ASIC2: variants seen among roughly 807,000 people sequenced by gnomAD.
ASIC2 encodes acid-sensing ion channel 2.
Under a neutral mutation model 57.3 loss-of-function variants are expected in ASIC2, and 25 were observed. The observed-to-expected ratio is 0.44, with a 90% CI of 0.32 to 0.61. The LOEUF (loss-of-function observed/expected upper bound fraction) is 0.61. Ranked by LOEUF, ASIC2 falls within the 20% of genes least tolerant of loss-of-function variation. The pLI is 0.06. For synonymous variants in ASIC2, 319 were observed against 307.5 expected, an observed-to-expected ratio of 1.04 and a Z score of -0.39; for missense variants, 641 against 738.1, an observed-to-expected ratio of 0.87 and a Z score of 1.52.
Position 33,985,288 on chromosome 17 carries a change from T to TC in ASIC2, c.555+170689dup, listed in dbSNP as rs551889402. Among the ~76,000 whole-genome samples, 365 of 151,802 alleles carry TC rather than the reference T, an allele frequency of 2.4e-3. 1 individual carries two copies. Among genetic ancestry groups the TC allele is most frequent in the Non-Finnish European group, 4.0e-3 (275 of 67,926 alleles). ...TCTGAAAATTATGCCCACCCCAACC[T>TC]CCCCCCACTCACACATACGACTTCT... On this transcript the variant is annotated intron_variant, in intron 1 of 9. Coordinates refer to the ASIC2 transcript ENST00000359872.
Position 33,917,161 on chromosome 17 carries a change from T to C in ASIC2, c.555+238817A>G, listed in dbSNP as rs527651824. Among the ~76,000 whole-genome samples, 4 of 152,306 alleles carry C rather than the reference T, an allele frequency of 2.6e-5. No individual in the cohort carries two copies. The South Asian group carries it at 8.3e-4, about 32-fold the overall frequency. ...CTTCCTCCCCACAAATGTTGGTATT[T>C]TCCAAAGTTCTGGCCTGCACTCTGC... On this transcript the variant is annotated intron_variant, in intron 1 of 9. Coordinates refer to the ASIC2 transcript ENST00000359872.
At chr17:34,024,382 A>T (rs534142177) in intron 1 of ASIC2, among the ~76,000 whole-genome samples, 1 of 152,356 alleles carries the variant, frequency 6.6e-6, no homozygotes, top group South Asian at 2.1e-4. Context: ...CTCTCTCTGT[A>T]GTTACAAGGA....
chr17:33,170,333 A>T (rs1262859067), intron 1 of ASIC2, among the ~76,000 whole-genome samples: 1 of 152,208 alleles, frequency 6.6e-6, no homozygotes, highest in Non-Finnish European at 1.5e-5. Context: ...AAAAAGATTC[A>T]CCTCTAAATT....
chr17:34,098,786 T>TC (rs1353229511), intron 1 of ASIC2, among the ~76,000 whole-genome samples: 3 of 152,140 alleles, frequency 2.0e-5, no homozygotes, highest in African/African-American at 7.2e-5. Context: ...CTCATTTTTT[T>TC]CTCTTATGAA....
chr17:33,167,185 A>G (rs573170531), intron 1 of ASIC2, among the ~76,000 whole-genome samples: 69 of 152,186 alleles, frequency 4.5e-4, no homozygotes, highest in African/African-American at 1.6e-3. Flanking sequence ...TGCCCTCTGC[A>G]CTTCCACCAT....
chr17:33,852,956 T>A lies in ASIC2; in HGVS notation c.555+303022A>T, dbSNP rs561236533. Among the ~76,000 whole-genome samples the A allele has an allele frequency of 2.6e-5, 4 of 152,236 alleles. No homozygotes were observed. In the East Asian group the frequency reaches 7.7e-4, roughly 29 times the overall value. Reference sequence around the variant, plus strand: ...CTGAGAACTCCCCACCCTATTGTCATCCCTGATAGAGGAGTTCACCCTAAA... The same window carrying A: ...CTGAGAACTCCCCACCCTATTGTCAACCCTGATAGAGGAGTTCACCCTAAA... On this transcript the variant is annotated intron_variant, in intron 1 of 9. Transcript: ENST00000359872.
chr17:33,198,644 C>G (rs1199027997), intron 1 of ASIC2, among the ~76,000 whole-genome samples: 3 of 152,176 alleles, frequency 2.0e-5, no homozygotes, highest in Non-Finnish European at 4.4e-5. Context: ...GTGTAGCACC[C>G]CCAGCCTCTG....
chr17:33,233,732 T>C (rs576696283), intron 1 of ASIC2, among the ~76,000 whole-genome samples: 5 of 152,246 alleles, frequency 3.3e-5, no homozygotes, highest in African/African-American at 1.2e-4. Flanking sequence ...CAATGTCAGA[T>C]GACTTGAGGT....
At chr17:33,500,512 T>C (rs1479769010) in intron 1 of ASIC2, among the ~76,000 whole-genome samples, 12 of 152,192 alleles carry the variant, frequency 7.9e-5, no homozygotes, top group Admixed American at 7.8e-4. Flanking sequence ...TGATTCTCAT[T>C]GTAGGAAACA....
chr17:33,407,408 A>G (rs976360097), intron 1 of ASIC2, among the ~76,000 whole-genome samples: 1 of 152,204 alleles, frequency 6.6e-6, no homozygotes, highest in African/African-American at 2.4e-5. Flanking sequence ...TTAACTGTGT[A>G]GTATCTTTGA....
chr17:33,235,055 T>C (rs1908241603), intron 1 of ASIC2, among the ~76,000 whole-genome samples: 1 of 152,242 alleles, frequency 6.6e-6, no homozygotes, highest in Non-Finnish European at 1.5e-5. Flanking sequence ...GGTCCCATTT[T>C]ACTTCTTCTC....
At chr17:33,330,601 C>G (rs1907273317) in intron 1 of ASIC2, among the ~76,000 whole-genome samples, 1 of 152,178 alleles carries the variant, frequency 6.6e-6, no homozygotes, top group African/African-American at 2.4e-5. Context: ...GCTAAGCCAG[C>G]ATTCAGACCT....
chr17:33,038,095 G>A (rs930052143), intron 3 of ASIC2, among the ~76,000 whole-genome samples: 10 of 152,192 alleles, frequency 6.6e-5, no homozygotes, highest in African/African-American at 2.4e-4. Flanking sequence ...TGAGACAGCT[G>A]TGTGACTTTG....
intron 1 of ASIC2, among the ~76,000 whole-genome samples, chr17:34,154,345 T>C (rs1904634718): frequency 6.6e-6 from 1 of 152,228 alleles, no homozygotes; most frequent in South Asian, 2.1e-4. Context: ...TCCTGTTTGC[T>C]GCATTTAGAA....
chr17:33,231,493 C>T (rs984045334), intron 1 of ASIC2, among the ~76,000 whole-genome samples: 9 of 152,156 alleles, frequency 5.9e-5, no homozygotes, highest in Admixed American at 5.9e-4. Context: ...CTGGTTGCCC[C>T]TAGCTTGTGA....
At chr17:33,460,510 G>GTT (rs745371108) in intron 1 of ASIC2, among the ~76,000 whole-genome samples, 3 of 152,220 alleles carry the variant, frequency 2.0e-5, no homozygotes, top group Non-Finnish European at 2.9e-5. Context: ...GGAAGAAGCC[G>GTT]TAAGTGAGGC....
Position 33,857,929 on chromosome 17 carries a change from G to A in ASIC2, c.555+298049C>T, listed in dbSNP as rs190280467. ...GGACCAAGACCTATAATGAGCAGAC[G>A]CCTGTTCACAGTCAGCATCTTCCAC... On this transcript the variant is annotated intron_variant, in intron 1 of 9. Coordinates refer to the ASIC2 transcript ENST00000359872. Among the ~76,000 whole-genome samples, 8 of 152,302 alleles carry A rather than the reference G, an allele frequency of 5.3e-5. No homozygotes were observed. The East Asian group carries it at 7.7e-4, about 15-fold the overall frequency.
chr17:33,324,009 C>T (rs1443160364), intron 1 of ASIC2, among the ~76,000 whole-genome samples: 1 of 151,670 alleles, frequency 6.6e-6, no homozygotes, highest in Non-Finnish European at 1.5e-5. Flanking sequence ...ATACAGCAAT[C>T]AAAAGTCAAA....
Position 33,028,537 on chromosome 17 carries a change from T to C in ASIC2, c.988-145A>G. ...TCAACATCTGGCTCCAATACTAGTT[T>C]TCTTACCTTACTTTAATTTTTTCTT... is the stretch of plus-strand genomic sequence containing the variant. On this transcript the variant is annotated intron_variant, in intron 3 of 9. Coordinates refer to ENST00000225823, the MANE Select transcript of ASIC2 (RefSeq NM_183377.2). 6.4e-6 allele frequency: 7 copies of C among 1,095,494 alleles called. No homozygotes were observed. In the South Asian group the frequency reaches 1.1e-4, roughly 17 times the overall value. 67.9% of individuals were successfully genotyped at this position (1,095,494 alleles called of 1,614,324 possible).
Sources: gnomAD v4.1 joint callset for allele counts (sites outside exome capture counted in the v4.1 genomes callset) on GRCh38, gnomAD v4.1.1 for gene constraint, MANE v1.5 for transcripts, NCBI Gene and HGNC (gene_info 2026-07-23, HGNC 2026-07-21) for gene names.